The following CNTNAP2 variants were observed in gnomAD, a reference collection of about 807,000 sequenced individuals.
CNTNAP2 encodes the protein contactin associated protein 2, also known as contactin-associated protein-like 2.
Under a neutral mutation model 155.2 loss-of-function variants are expected in CNTNAP2, and 98 were observed. That is an observed-to-expected ratio of 0.63 (90% CI 0.54 to 0.75). The LOEUF (loss-of-function observed/expected upper bound fraction) is 0.75. CNTNAP2 is among the 30% of genes least tolerant of loss of function. CNTNAP2 has a pLI of 0.00. For synonymous variants in CNTNAP2, 651 were observed against 631.2 expected, an observed-to-expected ratio of 1.03 and a Z score of -0.47; for missense variants, 1,727 against 1,688.1, an observed-to-expected ratio of 1.02 and a Z score of -0.40.
intron 15 of CNTNAP2, among the ~76,000 whole-genome samples, chr7:148,050,067 C>A (rs1274269418): frequency 6.6e-6 from 1 of 152,142 alleles, no homozygotes; most frequent in Non-Finnish European, 1.5e-5. Flanking sequence ...AAGGCTGAGG[C>A]AGAAGAATCA....
intron 1 of CNTNAP2, among the ~76,000 whole-genome samples, chr7:146,332,184 A>C (rs1033848192): frequency 5.9e-5 from 9 of 151,822 alleles, no homozygotes; most frequent in Non-Finnish European, 1.5e-5. Flanking sequence ...ATTTCTAAAA[A>C]TGTAGTAAAA....
chr7:146,878,562 C>G (rs1340323210), intron 3 of CNTNAP2, among the ~76,000 whole-genome samples: 23 of 152,006 alleles, frequency 1.5e-4, no homozygotes. Flanking sequence ...CTGTCATTCT[C>G]TTTTGAAAAA....
At chr7:147,278,289 A>G (rs903433888) in intron 8 of CNTNAP2, among the ~76,000 whole-genome samples, 17 of 151,780 alleles carry the variant, frequency 1.1e-4, no homozygotes, top group African/African-American at 4.1e-4. Context: ...CATAGTTCAT[A>G]GTGATTTCTT....
At chr7:146,693,688 G>T (rs2129172034) in intron 1 of CNTNAP2, among the ~76,000 whole-genome samples, 1 of 152,108 alleles carries the variant, frequency 6.6e-6, no homozygotes, top group African/African-American at 2.4e-5. Context: ...GAAATACTGA[G>T]CAACAAAGTA....
intron 3 of CNTNAP2, among the ~76,000 whole-genome samples, chr7:147,041,288 G>A (rs183393196): frequency 3.9e-5 from 6 of 151,918 alleles, no homozygotes; most frequent in African/African-American, 1.2e-4. Flanking sequence ...CATGTTTCCC[G>A]AGAATCTACA....
intron 1 of CNTNAP2, among the ~76,000 whole-genome samples, chr7:146,760,659 A>G (rs754598285): frequency 6.6e-6 from 1 of 151,684 alleles, no homozygotes; most frequent in Non-Finnish European, 1.5e-5. Flanking sequence ...TCCTGAGCTC[A>G]AGCTATCTGC....
At chr7:147,733,476 T>C (rs1475657914) in intron 13 of CNTNAP2, among the ~76,000 whole-genome samples, 1 of 152,206 alleles carries the variant, frequency 6.6e-6, no homozygotes, top group East Asian at 1.9e-4. Flanking sequence ...TTTGTTCTTT[T>C]GGCTTAGGAT....
chr7:146,737,479 T>C (rs1291015154), intron 1 of CNTNAP2, among the ~76,000 whole-genome samples: 2 of 152,130 alleles, frequency 1.3e-5, no homozygotes, highest in Non-Finnish European at 2.9e-5. Context: ...TTTATTTCTA[T>C]GGGATGAACT....
At chr7:146,890,843 A>G (rs1795760261) in intron 3 of CNTNAP2, among the ~76,000 whole-genome samples, 1 of 152,166 alleles carries the variant, frequency 6.6e-6, no homozygotes, top group African/African-American at 2.4e-5. Context: ...ACTTGATATT[A>G]GCCCTGGAAT....
intron 13 of CNTNAP2, chr7:147,850,107 G>A (rs1341316067): frequency 1.3e-5 from 2 of 152,102 alleles, no homozygotes; most frequent in East Asian, 3.9e-4. Context: ...CTTTACTTGA[G>A]CAAAAAGAAA....
At chr7:147,037,702 A>G (rs1220317533) in intron 3 of CNTNAP2, among the ~76,000 whole-genome samples, 1 of 152,090 alleles carries the variant, frequency 6.6e-6, no homozygotes, top group East Asian at 1.9e-4. Context: ...CTGATTTGAA[A>G]AAATAGCATC....
intron 11 of CNTNAP2, among the ~76,000 whole-genome samples, chr7:147,540,628 C>T (rs576302947): frequency 3.9e-5 from 6 of 152,142 alleles, no homozygotes; most frequent in African/African-American, 7.2e-5. Flanking sequence ...GTCAGGAGAT[C>T]GAGAGCATCC....
At chr7:147,888,481 C>G (rs1799634234) in intron 13 of CNTNAP2, among the ~76,000 whole-genome samples, 1 of 151,864 alleles carries the variant, frequency 6.6e-6, no homozygotes, top group African/African-American at 2.4e-5. Flanking sequence ...CCAATCAATA[C>G]ATCTCTAATT....
chr7:146,328,515 C>CTGTGTGTGTGTGTG lies in CNTNAP2; in HGVS notation c.97+211558_97+211571dup, dbSNP rs36098013. On this transcript the variant is annotated intron_variant, in intron 1 of 23. Transcript: ENST00000361727. ...ACACATCCATAATTCACTTAGCGACCTGTGTGTGTGTGTGTGTGTGTGTGT... is the reference window on the plus strand; with the variant it reads ...ACACATCCATAATTCACTTAGCGACCTGTGTGTGTGTGTGTGTGTGTGTGTGTGTGTGTGTGTGT... Among the ~76,000 whole-genome samples, 171 of 147,202 alleles carry CTGTGTGTGTGTGTG rather than the reference C, an allele frequency of 1.2e-3. 1 individual carries two copies. The highest frequency in any genetic ancestry group is 4.2e-3 in the African/African-American group (165 of 39,756).
intron 1 of CNTNAP2, among the ~76,000 whole-genome samples, chr7:146,698,696 G>T (rs1800824981): frequency 6.6e-6 from 1 of 151,932 alleles, no homozygotes; most frequent in African/African-American, 2.4e-5. Flanking sequence ...TATTTCTTGG[G>T]CTCTTCCTTC....
At chr7:146,166,712 C>T (rs1393029303) in intron 1 of CNTNAP2, among the ~76,000 whole-genome samples, 1 of 152,102 alleles carries the variant, frequency 6.6e-6, no homozygotes, top group Non-Finnish European at 1.5e-5. Context: ...GCCAAAACCC[C>T]TTGGATTGTT....
At position 146,791,071 on chromosome 7, in the gene CNTNAP2, G is replaced by A. The variant is rs186906084; in HGVS notation, c.208+16690G>A. On this transcript the variant is annotated intron_variant, in intron 2 of 23. Transcript: ENST00000361727. ...TTCTCCTAATGCTATCCATCCCCCA[G>A]CCCCTACCCCCTGACAGGCCCCAGT... Among the ~76,000 whole-genome samples, 55 of 149,736 alleles carry A rather than the reference G, an allele frequency of 3.7e-4. 1 individual carries two copies. Among genetic ancestry groups the A allele is most frequent in the African/African-American group, 1.3e-3 (52 of 40,554 alleles).
chr7:146,406,491 G>A (rs1167031433), intron 1 of CNTNAP2, among the ~76,000 whole-genome samples: 1 of 152,058 alleles, frequency 6.6e-6, no homozygotes, highest in Non-Finnish European at 1.5e-5. Context: ...TTCCTGGTGT[G>A]GTTTATTAAA....
At chr7:147,536,278 T>G (rs1182824723) in intron 11 of CNTNAP2, among the ~76,000 whole-genome samples, 2 of 152,248 alleles carry the variant, frequency 1.3e-5, no homozygotes, top group Non-Finnish European at 2.9e-5. Context: ...AAATATTTAT[T>G]GAGCATCTAT....
Sources: allele counts gnomAD v4.1 joint callset (sites outside exome capture counted in the v4.1 genomes callset), GRCh38; gene constraint gnomAD v4.1.1; transcripts MANE v1.5; gene names NCBI Gene and HGNC (gene_info 2026-07-23, HGNC 2026-07-21).